The following PRKCE variants were observed in gnomAD, a reference collection of about 807,000 sequenced individuals.
PRKCE encodes the protein protein kinase C epsilon, also known as protein kinase C epsilon type.
A neutral mutation model predicts 85.4 loss-of-function variants in PRKCE; 16 were observed. The observed-to-expected ratio is 0.19, with a 90% CI of 0.13 to 0.28. PRKCE has a LOEUF of 0.28. PRKCE is among the 10% of genes least tolerant of loss of function. The pLI is 1.00. For missense variants in PRKCE, 573 were observed against 975.2 expected, an observed-to-expected ratio of 0.59 and a Z score of 5.49; for synonymous variants, 388 against 371.5, an observed-to-expected ratio of 1.04 and a Z score of -0.51.
chr2:45,970,951 G>A (rs1010886138), intron 2 of PRKCE, among the ~76,000 whole-genome samples: 1 of 151,390 alleles, frequency 6.6e-6, no homozygotes, highest in African/African-American at 2.4e-5. Flanking sequence ...TTATGTATCT[G>A]TTATTTTATA....
intron 1 of PRKCE, among the ~76,000 whole-genome samples, chr2:45,663,779 T>G (rs1675787325): frequency 6.6e-6 from 1 of 150,854 alleles, no homozygotes; most frequent in African/African-American, 2.4e-5. Flanking sequence ...CGAGACTCCG[T>G]CTCAAAAAAA....
chr2:45,928,393 G>A (rs748526073), intron 2 of PRKCE, among the ~76,000 whole-genome samples: 1 of 152,150 alleles, frequency 6.6e-6, no homozygotes, highest in Non-Finnish European at 1.5e-5. Flanking sequence ...TCAGCTTCCC[G>A]AGTAGCTGGG....
intron 5 of PRKCE, among the ~76,000 whole-genome samples, chr2:45,983,032 T>TCTA (rs1393928266): frequency 1.3e-5 from 2 of 152,320 alleles, no homozygotes; most frequent in South Asian, 4.1e-4. Flanking sequence ...AGTCAACATG[T>TCTA]CTACATTCAC....
intron 2 of PRKCE, among the ~76,000 whole-genome samples, chr2:45,846,698 A>G (rs768165900): frequency 6.6e-6 from 1 of 152,190 alleles, no homozygotes; most frequent in African/African-American, 2.4e-5. Flanking sequence ...TAGAGGAGAA[A>G]GAGCACAGCC....
intron 1 of PRKCE, among the ~76,000 whole-genome samples, chr2:45,805,404 G>C (rs1179097533): frequency 6.6e-6 from 1 of 152,128 alleles, no homozygotes; most frequent in African/African-American, 2.4e-5. Flanking sequence ...TTCCTTCTCA[G>C]CGTTCGTGCC....
chr2:46,020,235 G>T (rs1340227469), intron 10 of PRKCE, among the ~76,000 whole-genome samples: 1 of 152,040 alleles, frequency 6.6e-6, no homozygotes, highest in Non-Finnish European at 1.5e-5. Flanking sequence ...CACAGACCCA[G>T]TATGCGCTAT....
intron 10 of PRKCE, among the ~76,000 whole-genome samples, chr2:46,075,301 G>T (rs1668462922): frequency 6.6e-6 from 1 of 151,994 alleles, no homozygotes; most frequent in Admixed American, 6.5e-5. Context: ...CTCCCAAAGT[G>T]CTGGGATTAC....
At chr2:45,956,332 A>C (rs1323712286) in intron 2 of PRKCE, among the ~76,000 whole-genome samples, 1 of 152,210 alleles carries the variant, frequency 6.6e-6, no homozygotes, top group Non-Finnish European at 1.5e-5. Context: ...ATTTGAATAA[A>C]TATCTGGAAG....
rs11287357 is a variant in PRKCE at position 46,074,429 on chromosome 2, CAAAAA to C, written c.1438-11764_1438-11760del. Among the ~76,000 whole-genome samples the C allele has an allele frequency of 7.4e-3, 692 of 93,870 alleles. 11 individuals are homozygous for C. Among genetic ancestry groups the C allele is most frequent in the East Asian group, 0.025 (90 of 3,560 alleles). 61.6% of individuals were successfully genotyped at this position (93,870 alleles called of 152,430 possible). On this transcript the variant is annotated intron_variant, in intron 10 of 14. Transcript: ENST00000306156. ...AAACAAACAAACAAACAACAACAACCAAAAAAAAAAAAAAAAAAAGAAAAACACGG... is the reference window on the plus strand; with the variant it reads ...AAACAAACAAACAAACAACAACAACCAAAAAAAAAAAAAAGAAAAACACGG...
intron 2 of PRKCE, among the ~76,000 whole-genome samples, chr2:45,912,915 G>C (rs761498239): frequency 6.6e-6 from 1 of 152,124 alleles, no homozygotes; most frequent in Non-Finnish European, 1.5e-5. Context: ...TGGAGTTCAA[G>C]CCCATACCTT....
At chr2:46,158,601 C>G (rs934200796) in intron 13 of PRKCE, among the ~76,000 whole-genome samples, 3 of 152,168 alleles carry the variant, frequency 2.0e-5, no homozygotes, top group African/African-American at 7.2e-5. Flanking sequence ...GAGGCTCTCT[C>G]CCTTGCTGAT....
intron 2 of PRKCE, among the ~76,000 whole-genome samples, chr2:45,882,845 G>A (rs1044694605): frequency 6.6e-6 from 1 of 152,228 alleles, no homozygotes. Context: ...GGAAGCTCTG[G>A]CTTCTGTCAT....
At chr2:46,107,911 T>C (rs1294061641) in intron 11 of PRKCE, among the ~76,000 whole-genome samples, 1 of 152,186 alleles carries the variant, frequency 6.6e-6, no homozygotes, top group Admixed American at 6.6e-5. Flanking sequence ...AGTTGTTTTC[T>C]TATTGTTGAG....
At chr2:45,820,840 C>T (rs1453865522) in intron 1 of PRKCE, among the ~76,000 whole-genome samples, 2 of 152,072 alleles carry the variant, frequency 1.3e-5, no homozygotes, top group African/African-American at 4.8e-5. Flanking sequence ...GTCATGTTGA[C>T]CTTAGTGGCA....
chr2:45,689,223 C>T lies in PRKCE; in HGVS notation c.348+36775C>T, dbSNP rs150323522. Among the ~76,000 whole-genome samples, 493 of 152,204 alleles carry T rather than the reference C, an allele frequency of 3.2e-3. 5 individuals carry two copies. The highest frequency in any genetic ancestry group is 0.011 in the African/African-American group (444 of 41,526). On this transcript the variant is annotated intron_variant, in intron 1 of 14. Coordinates refer to ENST00000306156, the MANE Select transcript of PRKCE (RefSeq NM_005400.3). ...ACAAAAAAGTCTAGATCACAGATTC[C>T]GAGTTGAAAGCATGTCATATAAGTG...
At chr2:46,007,000 T>C (rs1705263475) in intron 8 of PRKCE, among the ~76,000 whole-genome samples, 1 of 152,260 alleles carries the variant, frequency 6.6e-6, no homozygotes, top group African/African-American at 2.4e-5. Flanking sequence ...ACCGTTCTGA[T>C]GGCTCAGTTG....
rs147488063 is a variant in PRKCE, at chr2:45,718,706, C to T, written c.348+66258C>T. Among the ~76,000 whole-genome samples the T allele has an allele frequency of 5.3e-3, 812 of 152,216 alleles. 9 individuals carry two copies. The highest frequency in any genetic ancestry group is 0.018 in the African/African-American group (759 of 41,524). On this transcript the variant is annotated intron_variant, in intron 1 of 14. Transcript: ENST00000306156. ...TCAGGAAAATTGTGTGTTATGTCAC[C>T]TGGGACTCTCGGATAAGTTTGCTAA... is the stretch of plus-strand genomic sequence containing the variant.
chr2:45,846,424 C>A (rs890222741), intron 2 of PRKCE, among the ~76,000 whole-genome samples: 1 of 152,132 alleles, frequency 6.6e-6, no homozygotes, highest in Non-Finnish European at 1.5e-5. Context: ...TGGGAGAGTT[C>A]TTCAGCATCT....
Position 45,652,671 on chromosome 2 carries a change from C to T in PRKCE, c.348+223C>T, listed in dbSNP as rs1257006046. On this transcript the variant is annotated intron_variant, in intron 1 of 14. Coordinates refer to ENST00000306156, the MANE Select transcript of PRKCE (RefSeq NM_005400.3). The surrounding 1 kb of genome is among the most constrained non-coding windows in gnomAD (Gnocchi z 7.7). ...GAAAGAGGATGTGGCCCTCTGCTCC[C>T]TCTGTGCCCTCCAGTTGGTGGGTGC... Among the ~76,000 whole-genome samples the T allele has an allele frequency of 3.3e-5, 5 of 152,216 alleles. No homozygotes were observed. The highest frequency in any genetic ancestry group is 1.2e-4 in the African/African-American group (5 of 41,448).
Sources: gnomAD v4.1 joint callset for allele counts (sites outside exome capture counted in the v4.1 genomes callset) on GRCh38, gnomAD v4.1.1 for gene constraint, Gnocchi (gnomAD v3.1) non-coding constraint, MANE v1.5 for transcripts, NCBI Gene and HGNC (gene_info 2026-07-23, HGNC 2026-07-21) for gene names.